Variants in DLGAP2 observed in about 807,000 individuals in gnomAD.
DLGAP2 encodes DLG associated protein 2, also known as disks large-associated protein 2.
In DLGAP2, 26 loss-of-function variants were observed where a neutral mutation model predicts 100.3. The observed-to-expected ratio is 0.26, with a 90% CI of 0.19 to 0.36. The LOEUF (loss-of-function observed/expected upper bound fraction) is 0.36, where lower values mean the gene tolerates loss of function less well. DLGAP2 is among the 10% of genes least tolerant of loss of function. The pLI is 1.00. For synonymous variants in DLGAP2, 886 were observed against 630.1 expected (o/e 1.41, Z -6.08); for missense variants, 1,858 against 1,453.2 (o/e 1.28, Z -4.53).
At chr8:1,478,891 C>G (rs368487479) in intron 3 of DLGAP2, among the ~76,000 whole-genome samples, 1 of 152,202 alleles carries the variant, frequency 6.6e-6, no homozygotes, top group African/African-American at 2.4e-5. Flanking sequence ...GAATGAGTCA[C>G]GAAGCTGGAG....
chr8:1,060,834 A>T (rs1803058979), intron 2 of DLGAP2, among the ~76,000 whole-genome samples: 1 of 152,222 alleles, frequency 6.6e-6, no homozygotes, highest in Non-Finnish European at 1.5e-5. Flanking sequence ...AGGAGGCCAC[A>T]GCCAGGGCAG....
chr8:1,514,164 G>A (rs939593527), intron 4 of DLGAP2, among the ~76,000 whole-genome samples: 5 of 152,242 alleles, frequency 3.3e-5, no homozygotes, highest in African/African-American at 1.2e-4. Context: ...AGACATCTAG[G>A]AATTCACAGT....
At chr8:1,370,898 AG>A (rs1191217038) in intron 3 of DLGAP2, among the ~76,000 whole-genome samples, 1 of 152,262 alleles carries the variant, frequency 6.6e-6, no homozygotes, top group Non-Finnish European at 1.5e-5. Context: ...TCTGTGTGTT[AG>A]GTGCCTAGAA....
At chr8:744,652 C>T (rs917023357) in intron 1 of DLGAP2, among the ~76,000 whole-genome samples, 53 of 145,934 alleles carry the variant, frequency 3.6e-4, no homozygotes, top group Non-Finnish European at 5.0e-4. Flanking sequence ...GCTGTCTGCT[C>T]CCCACGGTCA....
At chr8:1,417,410 A>C (rs1301358867) in intron 3 of DLGAP2, among the ~76,000 whole-genome samples, 2 of 152,196 alleles carry the variant, frequency 1.3e-5, no homozygotes, top group South Asian at 2.1e-4. Flanking sequence ...GGAGCCTCTG[A>C]TTGTTGAAGC....
Position 1,511,041 on chromosome 8 carries a change from T to C in DLGAP2, c.172+9610T>C, listed in dbSNP as rs147290869. 1.6e-3 allele frequency among the ~76,000 whole-genome samples: 237 copies of C among 152,392 alleles called. 2 individuals are homozygous for C. Among genetic ancestry groups the C allele is most frequent in the East Asian group, 0.012 (62 of 5,188 alleles). On this transcript the variant is annotated intron_variant, in intron 4 of 14. Coordinates refer to ENST00000637795, the MANE Select transcript of DLGAP2 (RefSeq NM_001346810.2). The stretch of plus-strand genomic sequence containing the variant: ...AACAGTATTTGTTCTCCCCAGGGCA[T>C]CAGTTAGTTCAGCTTGAAACCTTTC...
At chr8:1,551,184 A>G (rs373193374) in intron 5 of DLGAP2, among the ~76,000 whole-genome samples, 2 of 152,260 alleles carry the variant, frequency 1.3e-5, no homozygotes, top group African/African-American at 2.4e-5. Flanking sequence ...TTTTATAGCA[A>G]TGGAAGAGGC....
intron 2 of DLGAP2, among the ~76,000 whole-genome samples, chr8:1,008,973 G>A (rs1444963924): frequency 6.6e-6 from 1 of 152,230 alleles, no homozygotes; most frequent in Non-Finnish European, 1.5e-5. Flanking sequence ...ATGCAGAATC[G>A]CACTGCCATG....
intron 6 of DLGAP2, among the ~76,000 whole-genome samples, chr8:1,601,486 C>G (rs1001565201): frequency 1.4e-4 from 21 of 152,192 alleles, no homozygotes; most frequent in Non-Finnish European, 2.8e-4. Context: ...CGCCCCTTCC[C>G]CCGGGTGCTC....
chr8:910,012 C>T (rs747480639), intron 2 of DLGAP2, among the ~76,000 whole-genome samples: 5 of 152,182 alleles, frequency 3.3e-5, no homozygotes, highest in African/African-American at 9.7e-5. Context: ...GAAGAGTTTT[C>T]GCAGTTTCTC....
intron 3 of DLGAP2, among the ~76,000 whole-genome samples, chr8:1,354,309 C>T (rs1484207188): frequency 2.0e-5 from 3 of 152,100 alleles, no homozygotes; most frequent in Non-Finnish European, 4.4e-5. Flanking sequence ...AGTTTGAGAC[C>T]AGCCTGGGCA....
rs1285317778 is a variant in DLGAP2 at position 943,154 on chromosome 8, G to C, written c.73+35188G>C. 3.9e-5 allele frequency among the ~76,000 whole-genome samples: 6 copies of C among 152,296 alleles called. No homozygotes were observed. The East Asian group carries it at 9.6e-4, about 24-fold the overall frequency. On this transcript the variant is annotated intron_variant, in intron 2 of 14. Transcript: ENST00000637795. ...ACAGTGAGGAACTCTTACAATTTTA[G>C]GGGCTATTTTATACCAGACCACAGG...
intron 2 of DLGAP2, among the ~76,000 whole-genome samples, chr8:948,939 G>A (rs907321064): frequency 6.7e-6 from 1 of 149,952 alleles, no homozygotes; most frequent in African/African-American, 2.4e-5. Flanking sequence ...GGGGACGCCA[G>A]GGTGAGAGCA....
At chr8:1,449,890 C>T (rs1332285890) in intron 3 of DLGAP2, among the ~76,000 whole-genome samples, 78 of 143,708 alleles carry the variant, frequency 5.4e-4, no homozygotes, top group Non-Finnish European at 8.0e-4. Context: ...GTGGCTGAGG[C>T]GGAGCTGTGA....
intron 1 of DLGAP2, chr8:893,209 G>A (rs1204348776): frequency 3.3e-5 from 5 of 152,210 alleles, no homozygotes; most frequent in Non-Finnish European, 5.9e-5. Context: ...ATCCTGCAGA[G>A]TGGCATGCGA....
intron 2 of DLGAP2, among the ~76,000 whole-genome samples, chr8:1,037,687 C>A (rs1411219761): frequency 6.6e-6 from 1 of 152,158 alleles, no homozygotes; most frequent in Non-Finnish European, 1.5e-5. Context: ...TTGTCCTTAT[C>A]GGGAAGAAGT....
intron 2 of DLGAP2, among the ~76,000 whole-genome samples, chr8:1,170,970 G>T (rs1797115948): frequency 6.6e-6 from 1 of 151,072 alleles, no homozygotes; most frequent in Admixed American, 6.6e-5. Flanking sequence ...TTTTAATTGT[G>T]ATGTTAGGGT....
intron 2 of DLGAP2, among the ~76,000 whole-genome samples, chr8:961,198 G>A (rs1197908513): frequency 6.6e-6 from 1 of 152,158 alleles, no homozygotes; most frequent in East Asian, 1.9e-4. Context: ...CGAAAGCTGG[G>A]GCCATACAAT....
intron 2 of DLGAP2, among the ~76,000 whole-genome samples, chr8:1,006,470 C>G (rs1021127297): frequency 1.6e-5 from 2 of 125,930 alleles, no homozygotes; most frequent in Non-Finnish European, 3.3e-5. Flanking sequence ...GTATGTGGTC[C>G]TTTATCACAT....
Sources: gnomAD v4.1 joint callset for allele counts (sites outside exome capture counted in the v4.1 genomes callset) on GRCh38, gnomAD v4.1.1 for gene constraint, MANE v1.5 for transcripts, NCBI Gene and HGNC (gene_info 2026-07-23, HGNC 2026-07-21) for gene names.